Variants in TDRD12 observed in about 807,000 individuals in gnomAD.
TDRD12 encodes the protein tudor domain containing 12, also known as putative ATP-dependent RNA helicase TDRD12.
Under a neutral mutation model 133.5 loss-of-function variants are expected in TDRD12, and 158 were observed. The observed-to-expected ratio is 1.18, with a 90% confidence interval of 1.04 to 1.35. The LOEUF (loss-of-function observed/expected upper bound fraction) is 1.35, where lower values mean the gene tolerates loss of function less well. TDRD12 is among the 40% of genes most tolerant of loss of function. The pLI is 0.00. For synonymous variants in TDRD12, 460 were observed against 477.9 expected, an observed-to-expected ratio of 0.96 and a Z score of 0.49; for missense variants, 1,443 against 1,321.3, an observed-to-expected ratio of 1.09 and a Z score of -1.43.
intron 12 of TDRD12, 183 bp from the exon 13 acceptor site, chr19:32,790,781 T>C: frequency 6.7e-7 from 1 of 1,502,398 alleles, no homozygotes; most frequent in Non-Finnish European, 8.9e-7. Flanking sequence ...CCTTGTTTTT[T>C]GGATAATAAA....
In TDRD12 at chr19:32,790,580, GA is replaced by G; in HGVS notation, c.1172del (p.Asp391ValfsTer8). The G allele has an allele frequency of 6.4e-7, 1 of 1,551,950 alleles. No individual in the cohort carries two copies. Among genetic ancestry groups the G allele is most frequent in the Non-Finnish European group, 8.7e-7 (1 of 1,147,062 alleles). On this transcript the variant is annotated frameshift_variant, in exon 12 of 28. Coordinates refer to ENST00000444215, the Ensembl canonical transcript of TDRD12. LOFTEE classifies it high-confidence loss of function. Reference sequence around the variant, plus strand: ...TCCTTTGAGAGCTGACGGAATCTCTGATCTCCAGCAGGTATTACAGGCCCTA... The same window carrying G: ...TCCTTTGAGAGCTGACGGAATCTCTGTCTCCAGCAGGTATTACAGGCCCTA...
intron 6 of TDRD12, among the ~76,000 whole-genome samples, chr19:32,755,756 G>T (rs1033441003): frequency 2.0e-5 from 3 of 152,194 alleles, no homozygotes; most frequent in Admixed American, 6.5e-5. Flanking sequence ...GCTACAGTGC[G>T]TATGTCCAAG....
At chr19:32,733,985 G>A (rs977228094) in intron 2 of TDRD12, among the ~76,000 whole-genome samples, 5 of 150,444 alleles carry the variant, frequency 3.3e-5, no homozygotes, top group Non-Finnish European at 7.4e-5. Context: ...CCCACCTCCC[G>A]GGTTCACGCC....
intron 11 of TDRD12, among the ~76,000 whole-genome samples, chr19:32,786,084 T>C (rs984445211): frequency 2.6e-5 from 4 of 152,220 alleles, no homozygotes; most frequent in African/African-American, 9.6e-5. Flanking sequence ...TTCCTATCCA[T>C]GTTTAGTACT....
At chr19:32,816,127 T>C (rs1967173683) in intron 26 of TDRD12, among the ~76,000 whole-genome samples, 1 of 152,220 alleles carries the variant, frequency 6.6e-6, no homozygotes, top group South Asian at 2.1e-4. Context: ...TGTTGGAGTA[T>C]TATAAAGCAG....
In TDRD12 at chr19:32,800,505, A is replaced by G. The variant is rs182074754; in HGVS notation, c.1951-139A>G. On this transcript the variant is annotated intron_variant, in intron 17 of 27. Coordinates refer to ENST00000444215, the Ensembl canonical transcript of TDRD12. ...ATTTCATATATAAATTATGAATGAA[A>G]TACAATTATAGTTGAATATTTAAAT... is the stretch of plus-strand genomic sequence containing the variant. 2.8e-5 allele frequency: 27 copies of G among 950,566 alleles called. No individual in the cohort carries two copies. The East Asian group carries it at 6.7e-4, about 24-fold the overall frequency. 58.9% of individuals were successfully genotyped at this position (950,566 alleles called of 1,614,324 possible).
intron 8 of TDRD12, among the ~76,000 whole-genome samples, chr19:32,762,040 C>T (rs369701674): frequency 5.3e-5 from 8 of 151,074 alleles, no homozygotes; most frequent in African/African-American, 1.9e-4. Flanking sequence ...ACTTTTTTGT[C>T]CTCTTAGTGT....
intron 11 of TDRD12, among the ~76,000 whole-genome samples, chr19:32,785,411 TG>T (rs1401545255): frequency 6.6e-6 from 1 of 152,192 alleles, no homozygotes; most frequent in African/African-American, 2.4e-5. Flanking sequence ...AAGTGTGATG[TG>T]GTGCTGAGAA....
At chr19:32,782,130 C>G (rs572620097) in intron 11 of TDRD12, among the ~76,000 whole-genome samples, 2 of 151,012 alleles carry the variant, frequency 1.3e-5, no homozygotes, top group African/African-American at 4.9e-5. Context: ...CCCCCACCCC[C>G]CACAGGCCCC....
At chr19:32,735,007 T>G (rs1023670659) in intron 2 of TDRD12, among the ~76,000 whole-genome samples, 1 of 152,112 alleles carries the variant, frequency 6.6e-6, no homozygotes, top group African/African-American at 2.4e-5. Flanking sequence ...CCACCATCTC[T>G]CTCCCTCTCC....
intron 14 of TDRD12, among the ~76,000 whole-genome samples, chr19:32,797,073 C>T (rs528769037): frequency 2.0e-4 from 31 of 151,612 alleles, no homozygotes; most frequent in Non-Finnish European, 3.7e-4. Context: ...CTCTGCCTCC[C>T]GGGTTCAAGC....
rs146473140 is a variant in TDRD12, at chr19:32,737,150, G to C, written c.184-1706G>C. ...TCACACCATCATAATGTTGAAAATTGTAAGTTAAACCATCATAAGTCAGGG... is the reference window on the plus strand; with the variant it reads ...TCACACCATCATAATGTTGAAAATTCTAAGTTAAACCATCATAAGTCAGGG... On this transcript the variant is annotated intron_variant, in intron 2 of 27. Transcript: ENST00000444215. Among the ~76,000 whole-genome samples the C allele has an allele frequency of 2.8e-3, 428 of 152,270 alleles. 2 individuals are homozygous for C. Among genetic ancestry groups the C allele is most frequent in the African/African-American group, 0.01 (416 of 41,552 alleles).
intron 12 of TDRD12, 181 bp downstream of exon 12, chr19:32,790,772 C>G (rs1971046792): frequency 6.6e-7 from 1 of 1,505,740 alleles, no homozygotes; most frequent in South Asian, 1.3e-5. Flanking sequence ...GAAATTGTTC[C>G]TTGTTTTTTG....
At chr19:32,792,837 C>G (rs1453161471) in intron 13 of TDRD12, among the ~76,000 whole-genome samples, 1 of 152,114 alleles carries the variant, frequency 6.6e-6, no homozygotes, top group African/African-American at 2.4e-5. Context: ...CACACTGGAC[C>G]AGGAATCAGA....
intron 27 of TDRD12, among the ~76,000 whole-genome samples, chr19:32,818,698 G>A (rs1382932013): frequency 6.6e-6 from 1 of 152,198 alleles, no homozygotes; most frequent in Non-Finnish European, 1.5e-5. Context: ...GTCCGGGGGT[G>A]AGCCCTGGTG....
intron 8 of TDRD12, among the ~76,000 whole-genome samples, chr19:32,765,659 G>A (rs1970274466): frequency 6.9e-6 from 1 of 145,654 alleles, no homozygotes; most frequent in South Asian, 2.2e-4. Context: ...AACACCACAT[G>A]TTCTCACTCA....
rs182809077 is a variant in TDRD12, at chr19:32,742,884, G to C, written c.424G>C (p.Asp142His). The C allele has an allele frequency of 2.9e-5, 45 of 1,551,500 alleles. No individual in the cohort carries two copies. Among genetic ancestry groups the C allele is most frequent in the Admixed American group, 2.0e-4 (10 of 50,938 alleles). The change falls in exon 4 of 28, where the codon GAC becomes CAC. Residue 142 changes from aspartate (D) to histidine (H), a missense_variant. Asp to His is a moderately conservative substitution (Grantham distance 81, BLOSUM62 -1). Transcript: ENST00000444215. ...CACATTACACATTGACTTCTGCCGAGACAGTACTGACATTGTGTAAGTACA... is the reference window on the plus strand; with the variant it reads ...CACATTACACATTGACTTCTGCCGACACAGTACTGACATTGTGTAAGTACA...
intron 6 of TDRD12, among the ~76,000 whole-genome samples, chr19:32,751,081 A>C (rs1003468339): frequency 6.6e-6 from 1 of 151,784 alleles, no homozygotes; most frequent in African/African-American, 2.4e-5. Flanking sequence ...CCCATTAGCT[A>C]TTCTTCCTGA....
At chr19:32,810,890 T>G (rs1966979393) in intron 23 of TDRD12, among the ~76,000 whole-genome samples, 1 of 152,072 alleles carries the variant, frequency 6.6e-6, no homozygotes, top group South Asian at 2.1e-4. Flanking sequence ...AGACCTTGTC[T>G]CTACAAAAAA....
Sources: allele counts gnomAD v4.1 joint callset (sites outside exome capture counted in the v4.1 genomes callset), GRCh38; gene constraint gnomAD v4.1.1; transcripts MANE v1.5; gene names NCBI Gene and HGNC (gene_info 2026-07-23, HGNC 2026-07-21).